FYCO1: variants seen among roughly 807,000 people sequenced by gnomAD.
The protein encoded by FYCO1 is FYVE and coiled-coil domain autophagy adaptor 1.
A neutral mutation model predicts 165.1 loss-of-function variants in FYCO1; 122 were observed. That is an observed-to-expected ratio of 0.74 (90% CI 0.64 to 0.86). The LOEUF (loss-of-function observed/expected upper bound fraction) is 0.86. FYCO1 is among the 40% of genes least tolerant of loss of function. The probability of loss-of-function intolerance (pLI) is 0.00; values close to 1 mark genes in which losing one functional copy is unlikely to be tolerated. For synonymous variants in FYCO1, 648 were observed against 742.5 expected (o/e 0.87, Z 2.07); for missense variants, 1,702 against 1,810.3 (o/e 0.94, Z 1.09).
At chr3:45,955,927 C>T (rs113230307) in intron 13 of FYCO1, among the ~76,000 whole-genome samples, 3,341 of 152,306 alleles carry the variant, frequency 0.022, 129 homozygotes, top group African/African-American at 0.074. Context: ...TTGTGTCCGA[C>T]TGTGCAAACC....
chr3:45,995,361 C>G (rs911486322), intron 1 of FYCO1, among the ~76,000 whole-genome samples: 3 of 152,240 alleles, frequency 2.0e-5, no homozygotes, highest in Non-Finnish European at 1.5e-5. Flanking sequence ...GCAGGAACTC[C>G]GGGGCCTGCC....
chr3:45,942,931 C>T (rs2125815946), intron 14 of FYCO1, among the ~76,000 whole-genome samples: 1 of 152,300 alleles, frequency 6.6e-6, no homozygotes, highest in East Asian at 1.9e-4. Context: ...TGACAGATAC[C>T]TGAGTGTGTA....
In FYCO1 at chr3:45,936,451, A is replaced by G. The variant is rs895452494; in HGVS notation, c.4037T>C (p.Leu1346Pro). The change falls in exon 15 of 18, where the codon CTG becomes CCG. Residue 1346 changes from leucine (L) to proline (P), a missense_variant. Coordinates refer to ENST00000296137, the MANE Select transcript of FYCO1 (RefSeq NM_024513.4). The part of the protein sequence containing the change: ...SEICLLKSGE[L>P]MIKVPLTVDE... ...CCAGGCAGCAGTTGCCACTTACATCAGTTCTCCAGACTTCAGCAGGCAGAT... is the reference window on the plus strand; with the variant it reads ...CCAGGCAGCAGTTGCCACTTACATCGGTTCTCCAGACTTCAGCAGGCAGAT... 6.2e-7 allele frequency: 1 copy of G among 1,611,440 alleles called. No homozygotes were observed. Among genetic ancestry groups the G allele is most frequent in the African/African-American group, 1.3e-5 (1 of 74,866 alleles).
intron 14 of FYCO1, among the ~76,000 whole-genome samples, chr3:45,953,172 A>G (rs149438485): frequency 1.8e-3 from 274 of 152,314 alleles, no homozygotes; most frequent in African/African-American, 6.2e-3. Context: ...CAGCGTCATG[A>G]AGATTAAAGA....
At chr3:45,977,557 A>C (rs978799596) in intron 4 of FYCO1, among the ~76,000 whole-genome samples, 5 of 151,520 alleles carry the variant, frequency 3.3e-5, no homozygotes, top group African/African-American at 1.2e-4. Flanking sequence ...TTTAGCTTCT[A>C]ATCAGAACCC....
At chr3:45,924,766 C>T (rs1343148837) in intron 16 of FYCO1, among the ~76,000 whole-genome samples, 4 of 151,744 alleles carry the variant, frequency 2.6e-5, no homozygotes, top group Non-Finnish European at 5.9e-5. Context: ...GCACCCACCA[C>T]CATGCCCAGC....
At chr3:45,966,018 C>T (rs1575367780) in intron 8 of FYCO1, among the ~76,000 whole-genome samples, 1 of 152,340 alleles carries the variant, frequency 6.6e-6, no homozygotes, top group Non-Finnish European at 1.5e-5. Context: ...TCTGTGTGGG[C>T]TAATCTTGTT....
chr3:45,932,086 C>A (rs1473250969), intron 15 of FYCO1, among the ~76,000 whole-genome samples: 1 of 152,182 alleles, frequency 6.6e-6, no homozygotes, highest in Non-Finnish European at 1.5e-5. Context: ...TCTTCATCTG[C>A]CAAACAAGGA....
At chr3:45,990,873 G>A (rs1340151460) in intron 1 of FYCO1, among the ~76,000 whole-genome samples, 1 of 152,136 alleles carries the variant, frequency 6.6e-6, no homozygotes, top group Non-Finnish European at 1.5e-5. Context: ...CCAGGTTCAA[G>A]TGATTTCCCC....
chr3:45,942,367 G>A (rs1416382049), intron 14 of FYCO1, among the ~76,000 whole-genome samples: 1 of 152,226 alleles, frequency 6.6e-6, no homozygotes, highest in African/African-American at 2.4e-5. Flanking sequence ...GTAGAAATGA[G>A]TGTTAGTCTC....
chr3:45,983,179 T>C (rs931704), intron 2 of FYCO1, among the ~76,000 whole-genome samples: 54,326 of 152,022 alleles, frequency 0.36, 11,796 homozygotes, highest in East Asian at 0.66. Flanking sequence ...TGAAGGGACT[T>C]GTCCAACATT....
chr3:45,975,933 T>C (rs1385645109), intron 4 of FYCO1, among the ~76,000 whole-genome samples: 1 of 152,216 alleles, frequency 6.6e-6, no homozygotes, highest in Non-Finnish European at 1.5e-5. Context: ...TGCGGCCGTG[T>C]AACTGCCTCA....
chr3:45,957,148 A>T (rs1257889343), intron 13 of FYCO1, among the ~76,000 whole-genome samples: 1 of 152,242 alleles, frequency 6.6e-6, no homozygotes, highest in East Asian at 1.9e-4. Context: ...TTTTTGACAA[A>T]GGTGCAAGGA....
Position 45,993,835 on chromosome 3 carries a change from G to A in FYCO1, c.-113+1887C>T, listed in dbSNP as rs1461254567. The stretch of plus-strand genomic sequence containing the variant: ...ATGTTTAAAGACATTCTAGTCTTGA[G>A]TCACCAAAGCTGTGTCTTTGGAATC... On this transcript the variant is annotated intron_variant, in intron 1 of 17. Transcript: ENST00000296137. This position sits in a 1 kb window ranked among gnomAD's most constrained non-coding sequence, Gnocchi z 4.4. Among the ~76,000 whole-genome samples the A allele has an allele frequency of 6.6e-6, 1 of 151,320 alleles. No individual in the cohort carries two copies. Among genetic ancestry groups the A allele is most frequent in the Non-Finnish European group, 1.5e-5 (1 of 67,836 alleles).
chr3:45,954,126 A>T (rs1705181118), intron 14 of FYCO1, among the ~76,000 whole-genome samples: 1 of 152,116 alleles, frequency 6.6e-6, no homozygotes, highest in African/African-American at 2.4e-5. Flanking sequence ...AGCTTATCCA[A>T]CCTGTGGCCC....
At position 45,968,216 on chromosome 3, in the gene FYCO1, G is replaced by A. The variant is rs1706207680; in HGVS notation, c.1118C>T (p.Ala373Val). ...CGTATCTGCCTTCTGCTGAGCCATG[G>A]CTAGCCAGCCTGGGAAGCTGGCTAA... Reference protein sequence around the residue: ...QHLASFPGWLAMAQQKADTAS... With the variant: ...QHLASFPGWLVMAQQKADTAS... The change falls in exon 8 of 18, where the codon GCC becomes GTC. Residue 373 changes from alanine (A) to valine (V), a missense_variant. Ala to Val is a moderately conservative substitution (Grantham distance 64). Transcript: ENST00000296137. 1.2e-6 allele frequency: 2 copies of A among 1,613,834 alleles called. No individual in the cohort carries two copies. The highest frequency in any genetic ancestry group is 8.5e-7 in the Non-Finnish European group (1 of 1,180,044).
Position 45,955,380 on chromosome 3 carries a change from G to A in FYCO1, c.3813C>T (p.Asp1271=). 1 of 1,614,208 alleles carries A rather than the reference G, an allele frequency of 6.2e-7. No individual in the cohort carries two copies. Among genetic ancestry groups the A allele is most frequent in the Non-Finnish European group, 8.5e-7 (1 of 1,180,040 alleles). Residue 1271 remains aspartate, a synonymous_variant, in exon 14 of 18, where the codon GAC becomes GAT. Coordinates refer to ENST00000296137, the MANE Select transcript of FYCO1 (RefSeq NM_024513.4). ...ACACAGCGTCGTCCGGTGGCCTGTA[G>A]TCTGTATTTGCTCCTGGGCAGCAGA... ...QATGGQGANT[D]YRPPDDAVFD...
intron 13 of FYCO1, among the ~76,000 whole-genome samples, chr3:45,957,199 A>G (rs577656335): frequency 2.6e-4 from 39 of 152,352 alleles, no homozygotes; most frequent in Non-Finnish European, 4.3e-4. Flanking sequence ...CTGGACAGCC[A>G]TACAAAAAGA....
At chr3:45,944,106 T>C (rs6802841) in intron 14 of FYCO1, among the ~76,000 whole-genome samples, 3,427 of 152,244 alleles carry the variant, frequency 0.023, 134 homozygotes, top group African/African-American at 0.076. Context: ...TGAACTCTTA[T>C]GTGAGGGCCC....
Sources: allele counts gnomAD v4.1 joint callset (sites outside exome capture counted in the v4.1 genomes callset), GRCh38; gene constraint gnomAD v4.1.1; non-coding constraint Gnocchi (gnomAD v3.1); transcripts MANE v1.5; gene names NCBI Gene and HGNC (gene_info 2026-07-23, HGNC 2026-07-21).